Variants in PCDHA11 observed in about 807,000 individuals in gnomAD.
PCDHA11 encodes protocadherin alpha 11.
Under a neutral mutation model 70.3 loss-of-function variants are expected in PCDHA11, and 61 were observed. That is an observed-to-expected ratio of 0.87 (90% CI 0.71 to 1.07). PCDHA11 has a LOEUF of 1.07. Ranked by LOEUF, PCDHA11 falls within the 50% of genes least tolerant of loss-of-function variation. The probability of loss-of-function intolerance (pLI) is 0.00; values close to 1 mark genes in which losing one functional copy is unlikely to be tolerated. For synonymous variants in PCDHA11, 633 were observed against 555.1 expected (o/e 1.14, Z -1.97); for missense variants, 1,324 against 1,237.5 (o/e 1.07, Z -1.05).
At chr5:140,998,754 C>T (rs2097832847) in intron 3 of PCDHA11, among the ~76,000 whole-genome samples, 1 of 152,056 alleles carries the variant, frequency 6.6e-6, no homozygotes, top group African/African-American at 2.4e-5. Context: ...AGAAGAGACA[C>T]AGTTTCACTA....
At chr5:140,915,105 C>T (rs1554196760) in intron 1 of PCDHA11, among the ~76,000 whole-genome samples, 1 of 152,020 alleles carries the variant, frequency 6.6e-6, no homozygotes, top group East Asian at 1.9e-4. Flanking sequence ...ACCACCACAA[C>T]ACCCACCTAA....
rs1554164779 is a variant in PCDHA11 at position 140,870,879 on chromosome 5, G to A, written c.1776G>A (p.Lys592=). 6.2e-7 allele frequency: 1 copy of A among 1,613,952 alleles called. No homozygotes were observed. The highest frequency in any genetic ancestry group is 2.2e-5 in the East Asian group (1 of 44,870). ...TGGGTGCGGGCCACGTGGTGGCGAA[G>A]GTGCGCGCAGTGGATGCGGACTCAG... ...RSVGAGHVVA[K]VRAVDADSGY... is the part of the protein sequence containing the mutation. The change falls in exon 1 of 4, where the codon AAG becomes AAA. Residue 592 remains lysine, a synonymous_variant. Transcript: ENST00000398640.
chr5:140,978,868 G>C (rs2096826928), intron 1 of PCDHA11, 81 bp from the exon 2 acceptor site: 2 of 1,606,078 alleles, frequency 1.2e-6, no homozygotes, highest in Non-Finnish European at 1.7e-6. Context: ...ATATTTAAGG[G>C]AGTAACTAAT....
chr5:140,917,324 C>CGGGGGGGGGGGG (rs1299895515), intron 1 of PCDHA11, among the ~76,000 whole-genome samples: 1 of 76,120 alleles, frequency 1.3e-5, no homozygotes, highest in African/African-American at 4.3e-5. Context: ...GTTCATGTGG[C>CGGGGGGGGGGGG]GGGGGAGGGG....
intron 1 of PCDHA11, chr5:140,883,159 G>A (rs782151764): frequency 3.1e-6 from 5 of 1,613,846 alleles, no homozygotes; most frequent in Admixed American, 3.3e-5. Context: ...CCATAAATCC[G>A]AACAATGGAG....
chr5:140,959,413 T>G (rs1328731924), intron 1 of PCDHA11, among the ~76,000 whole-genome samples: 1 of 152,152 alleles, frequency 6.6e-6, no homozygotes, highest in Admixed American at 6.6e-5. Context: ...TGTTGATTGA[T>G]CTGAGAATTT....
chr5:140,916,520 G>C (rs1339531103), intron 1 of PCDHA11, among the ~76,000 whole-genome samples: 1 of 152,112 alleles, frequency 6.6e-6, no homozygotes, highest in African/African-American at 2.4e-5. Context: ...GCCAAGACTG[G>C]GTCCTTCCCA....
chr5:140,871,334 T>G lies in PCDHA11; in HGVS notation c.2231T>G (p.Val744Gly), dbSNP rs1554165439. The change falls in exon 1 of 4, where the codon GTG becomes GGG. Residue 744 changes from valine to glycine, a missense_variant. By Grantham distance (109) the Val-to-Gly change is moderately radical. Coordinates refer to ENST00000398640, the MANE Select transcript of PCDHA11 (RefSeq NM_018902.5). ...CCCACGCTGGTGTGCTCCCGCGCGGTGGGGAGCTGGTCATACTCGCAGCAG... is the reference window on the plus strand; with the variant it reads ...CCCACGCTGGTGTGCTCCCGCGCGGGGGGGAGCTGGTCATACTCGCAGCAG... ...GKPTLVCSRA[V>G]GSWSYSQQRR... is the part of the protein sequence containing the mutation. The G allele has an allele frequency of 6.2e-7, 1 of 1,614,044 alleles. No homozygotes were observed. The highest frequency in any genetic ancestry group is 1.3e-5 in the African/African-American group (1 of 75,034).
rs149656802 is a variant in PCDHA11, at chr5:141,008,452, C to T, written c.2540-1175C>T. ...TTTGCCCAGACAGACCATTACCCTTCCTCTCCAGCTCTGACTTCTACTCTT... is the reference window on the plus strand; with the variant it reads ...TTTGCCCAGACAGACCATTACCCTTTCTCTCCAGCTCTGACTTCTACTCTT... On this transcript the variant is annotated intron_variant, in intron 3 of 3. Coordinates refer to ENST00000398640, the MANE Select transcript of PCDHA11 (RefSeq NM_018902.5). Among the ~76,000 whole-genome samples, 286 of 152,284 alleles carry T rather than the reference C, an allele frequency of 1.9e-3. 2 individuals carry two copies. Among genetic ancestry groups the T allele is most frequent in the African/African-American group, 6.5e-3 (272 of 41,548 alleles).
chr5:140,872,829 G>T (rs187637058), intron 1 of PCDHA11, among the ~76,000 whole-genome samples: 6 of 152,156 alleles, frequency 3.9e-5, no homozygotes, highest in African/African-American at 1.4e-4. Flanking sequence ...ATCTAGCAGA[G>T]AAAAAATTAA....
At chr5:140,877,332 C>T (rs2057040352) in intron 1 of PCDHA11, 1 of 1,613,990 alleles carries the variant, frequency 6.2e-7, no homozygotes. Context: ...GCGCGCACAT[C>T]CCGTTCCACG....
chr5:140,940,841 C>T (rs246072), intron 1 of PCDHA11, among the ~76,000 whole-genome samples: 86,358 of 151,986 alleles, frequency 0.57, 25,200 homozygotes, highest in African/African-American at 0.71. Context: ...CCTTTCTTCA[C>T]GATAGATTTT....
At chr5:140,872,997 A>G (rs1391702817) in intron 1 of PCDHA11, among the ~76,000 whole-genome samples, 2 of 152,104 alleles carry the variant, frequency 1.3e-5, no homozygotes, top group East Asian at 3.9e-4. Flanking sequence ...TTTACTTCTG[A>G]GTCATTCTTC....
At chr5:140,967,346 G>A (rs1332345482) in intron 1 of PCDHA11, 1 of 1,607,970 alleles carries the variant, frequency 6.2e-7, no homozygotes, top group Non-Finnish European at 8.5e-7. Flanking sequence ...CGAGCACTTC[G>A]AGCTGGACCT....
chr5:140,999,890 T>C (rs2097882236), intron 3 of PCDHA11, among the ~76,000 whole-genome samples: 1 of 152,168 alleles, frequency 6.6e-6, no homozygotes, highest in South Asian at 2.1e-4. Context: ...CAGCTGTAGC[T>C]TGGGACACCA....
At position 140,929,044 on chromosome 5, in the gene PCDHA11, T is replaced by C. The variant is rs17844369; in HGVS notation, c.2392-49905T>C. ...GAGCCCAGGCTGTTGCGCTCAGAGC[T>C]GCTGTCGCTCTACAGAGGATCTGAG... On this transcript the variant is annotated intron_variant, in intron 1 of 3. Coordinates refer to ENST00000398640, the MANE Select transcript of PCDHA11 (RefSeq NM_018902.5). 7 of 1,614,100 alleles carry C rather than the reference T, an allele frequency of 4.3e-6. No individual in the cohort carries two copies. The East Asian group carries it at 1.6e-4, about 36-fold the overall frequency.
rs782133089 is a variant in PCDHA11, at chr5:140,924,894, CAAA to C, written c.2391+53409_2391+53411del. Reference sequence around the variant, plus strand: ...TGGGTGACAGAGCAAGAACCTGTCTCAAAAAAAAAAATAAAATAAAATAAAATA... The same window carrying C: ...TGGGTGACAGAGCAAGAACCTGTCTCAAAAAAAATAAAATAAAATAAAATA... On this transcript the variant is annotated intron_variant, in intron 1 of 3. Transcript: ENST00000398640. Among the ~76,000 whole-genome samples the C allele has an allele frequency of 6.8e-3, 488 of 71,480 alleles. 13 individuals carry two copies. Among genetic ancestry groups the C allele is most frequent in the East Asian group, 0.051 (79 of 1,534 alleles). The allele number at this position is 71,480 out of a possible 152,430, so 46.9% of individuals were successfully genotyped here. A position where few individuals can be genotyped will look rare whatever the true frequency, so the allele number is the denominator to read the frequency against.
chr5:140,872,241 C>T (rs187831325), intron 1 of PCDHA11, among the ~76,000 whole-genome samples: 8 of 151,642 alleles, frequency 5.3e-5, no homozygotes, highest in Admixed American at 5.3e-4. Context: ...TGTCTTTATT[C>T]CTGTGATAAT....
At chr5:140,943,717 T>A (rs1269511670) in intron 1 of PCDHA11, among the ~76,000 whole-genome samples, 1 of 152,108 alleles carries the variant, frequency 6.6e-6, no homozygotes, top group Non-Finnish European at 1.5e-5. Context: ...CATTTAAAGG[T>A]CTGAGAGAAT....
Sources: allele counts gnomAD v4.1 joint callset (sites outside exome capture counted in the v4.1 genomes callset), GRCh38; gene constraint gnomAD v4.1.1; transcripts MANE v1.5; gene names NCBI Gene and HGNC (gene_info 2026-07-23, HGNC 2026-07-21).